The following MEIG1 variants were observed in gnomAD, a reference collection of about 807,000 sequenced individuals.
MEIG1 encodes the protein meiosis expressed gene 1 protein homolog.
MEIG1 carries 12 observed loss-of-function variants against 11.3 expected under a neutral mutation model. The observed-to-expected ratio is 1.07, with a 90% CI of 0.68 to 1.73. The LOEUF (loss-of-function observed/expected upper bound fraction) is 1.73. Ranked by LOEUF, MEIG1 falls within the 40% of genes most tolerant of loss-of-function variation. MEIG1 has a pLI of 0.00. For synonymous variants in MEIG1, 41 were observed against 33.2 expected, an observed-to-expected ratio of 1.24 and a Z score of -0.81; for missense variants, 119 against 104.9, an observed-to-expected ratio of 1.13 and a Z score of -0.59.
At chr10:14,983,141 A>AT (rs1238639068) in intron 1 of MEIG1, among the ~76,000 whole-genome samples, 1 of 152,110 alleles carries the variant, frequency 6.6e-6, no homozygotes, top group Non-Finnish European at 1.5e-5. Flanking sequence ...ATTACGTTTA[A>AT]TATCGCAGTA....
intron 1 of MEIG1, among the ~76,000 whole-genome samples, chr10:14,965,132 A>G (rs1437929796): frequency 6.6e-6 from 1 of 152,058 alleles, no homozygotes; most frequent in Non-Finnish European, 1.5e-5. Flanking sequence ...AAACATAATG[A>G]GCATTTGTTA....
Position 14,972,642 on chromosome 10 carries a change from C to T in MEIG1, c.*1C>T. ...CAAAGTGAAAATTTATGCTTACTAG[C>T]CTGTCTTCTTTGTATTACTTGTCAA... On this transcript the variant is annotated 3_prime_UTR_variant, in exon 3 of 3. Transcript: ENST00000407572. 1 of 1,600,138 alleles carries T rather than the reference C, an allele frequency of 6.2e-7. No individual in the cohort carries two copies. Among genetic ancestry groups the T allele is most frequent in the Non-Finnish European group, 8.5e-7 (1 of 1,173,874 alleles).
chr10:14,956,606 C>A (rs2131253306), upstream of MEIG1, among the ~76,000 whole-genome samples: 1 of 152,150 alleles, frequency 6.6e-6, no homozygotes, highest in East Asian at 1.9e-4. Flanking sequence ...AACAAAAAAA[C>A]ACAACACTCA....
At chr10:14,984,446 A>T (rs760303028) in intron 1 of MEIG1, among the ~76,000 whole-genome samples, 9 of 152,122 alleles carry the variant, frequency 5.9e-5, no homozygotes, top group Non-Finnish European at 1.2e-4. Flanking sequence ...GACTCTACAC[A>T]CTGAGATGTT....
At chr10:14,986,819 C>A (rs1480319644) in exon 2 of MEIG1, 2 of 360,558 alleles carry the variant, frequency 5.5e-6, no homozygotes, top group African/African-American at 2.1e-5. Context: ...CCATGTTGGC[C>A]AAGCGGGTCT....
intron 2 of MEIG1, chr10:14,987,433 C>G: frequency 2.8e-6 from 2 of 722,354 alleles, no homozygotes; most frequent in Non-Finnish European, 2.6e-6. Context: ...CTGTGAGATT[C>G]CGTGGCTCTG....
At chr10:14,971,518 C>T (rs1427877075) in intron 2 of MEIG1, among the ~76,000 whole-genome samples, 2 of 149,284 alleles carry the variant, frequency 1.3e-5, no homozygotes, top group Non-Finnish European at 3.0e-5. Flanking sequence ...ACTACAGCCT[C>T]GGAGACAGAG....
upstream of MEIG1, among the ~76,000 whole-genome samples, chr10:14,955,918 TG>T (rs1564500558): frequency 1.3e-5 from 2 of 152,182 alleles, no homozygotes; most frequent in Admixed American, 1.3e-4. Context: ...TTAGAACACA[TG>T]GGAACAACTG....
chr10:14,957,863 G>T (rs953844267), upstream of MEIG1, among the ~76,000 whole-genome samples: 4 of 152,236 alleles, frequency 2.6e-5, no homozygotes, highest in Admixed American at 1.3e-4. Flanking sequence ...GGCCAGGCTG[G>T]TCTCGAACTC....
At chr10:14,976,112 G>C (rs1435306267), downstream of MEIG1, among the ~76,000 whole-genome samples, 1 of 152,056 alleles carries the variant, frequency 6.6e-6, no homozygotes, top group African/African-American at 2.4e-5. Flanking sequence ...GACGGGAATC[G>C]TAATACCCAG....
intron 2 of MEIG1, chr10:14,987,269 AG>A: frequency 2.5e-6 from 2 of 812,396 alleles, no homozygotes; most frequent in Non-Finnish European, 4.3e-6. Context: ...GGGGGTATGG[AG>A]GGGGGAGTCA....
the MEIG1 span, chr10:14,954,366 G>T: frequency 2.6e-6 from 1 of 387,908 alleles, no homozygotes; most frequent in Non-Finnish European, 4.9e-6. Flanking sequence ...AACTCCCAGA[G>T]CAGGTGGCCC....
At chr10:14,987,380 T>G in intron 2 of MEIG1, 1 of 758,058 alleles carries the variant, frequency 1.3e-6, no homozygotes, top group South Asian at 1.4e-5. Context: ...AGGCTGCAGT[T>G]CTGGATCCTC....
chr10:14,956,061 A>C (rs946844094), upstream of MEIG1, among the ~76,000 whole-genome samples: 1 of 152,210 alleles, frequency 6.6e-6, no homozygotes, highest in Non-Finnish European at 1.5e-5. Flanking sequence ...TCACTTATTT[A>C]TCTCCTCCTC....
intron 1 of MEIG1, among the ~76,000 whole-genome samples, chr10:14,963,094 T>C (rs773355634): frequency 3.3e-5 from 5 of 149,426 alleles, no homozygotes; most frequent in Non-Finnish European, 7.4e-5. Flanking sequence ...TTCACTAACT[T>C]TTTTTTTTCT....
chr10:14,963,423 C>G (rs1192244769), intron 1 of MEIG1, among the ~76,000 whole-genome samples: 11 of 152,134 alleles, frequency 7.2e-5, no homozygotes, highest in Non-Finnish European at 1.5e-5. Flanking sequence ...TTTCTTAGAA[C>G]CTTTTTCCTG....
intron 2 of MEIG1, among the ~76,000 whole-genome samples, chr10:14,971,162 G>A (rs946865004): frequency 2.7e-5 from 4 of 150,528 alleles, no homozygotes; most frequent in African/African-American, 9.8e-5. Context: ...CAAGACAGGA[G>A]GATCATTTGA....
intron 1 of MEIG1, among the ~76,000 whole-genome samples, chr10:14,981,621 C>T (rs1488418814): frequency 6.6e-6 from 1 of 152,134 alleles, no homozygotes; most frequent in Non-Finnish European, 1.5e-5. Context: ...TGACCAGAGG[C>T]TCTTTGGGGA....
chr10:14,971,417 C>A (rs1400372622), intron 2 of MEIG1, among the ~76,000 whole-genome samples: 2 of 151,790 alleles, frequency 1.3e-5, no homozygotes, highest in African/African-American at 4.8e-5. Flanking sequence ...GTGGTGCTTA[C>A]CTGTAGTTCT....
Sources: gnomAD v4.1 joint callset for allele counts (sites outside exome capture counted in the v4.1 genomes callset) on GRCh38, gnomAD v4.1.1 for gene constraint, MANE v1.5 for transcripts, NCBI Gene and HGNC (gene_info 2026-07-23, HGNC 2026-07-21) for gene names.